The following DMRT1 variants were observed in gnomAD, a reference collection of about 807,000 sequenced individuals.
The protein encoded by DMRT1 is doublesex and mab-3 related transcription factor 1.
Under a neutral mutation model 32.3 loss-of-function variants are expected in DMRT1, and 7 were observed. The observed-to-expected ratio is 0.22, with a 90% confidence interval of 0.12 to 0.41. The LOEUF (loss-of-function observed/expected upper bound fraction) is 0.41, where lower values mean the gene tolerates loss of function less well. Ranked by LOEUF, DMRT1 falls within the 10% of genes least tolerant of loss-of-function variation. The probability of loss-of-function intolerance (pLI) is 1.00; values close to 1 mark genes in which losing one functional copy is unlikely to be tolerated. For synonymous variants in DMRT1, 278 were observed against 206.1 expected (o/e 1.35, Z -2.99); for missense variants, 625 against 500.5 (o/e 1.25, Z -2.37).
intron 4 of DMRT1, among the ~76,000 whole-genome samples, chr9:926,022 T>A (rs188734872): frequency 6.6e-6 from 1 of 152,324 alleles, no homozygotes; most frequent in East Asian, 1.9e-4. Flanking sequence ...GGATGCAGTT[T>A]GTTTGGCTGT....
intron 4 of DMRT1, among the ~76,000 whole-genome samples, chr9:945,529 ATTTTT>A (rs1203341976): frequency 2.0e-5 from 3 of 152,214 alleles, no homozygotes; most frequent in Non-Finnish European, 4.4e-5. Flanking sequence ...CTACACTGCT[ATTTTT>A]TGTATTTTTA....
chr9:916,902 C>G lies in DMRT1; in HGVS notation c.962C>G (p.Ala321Gly). The G allele has an allele frequency of 6.2e-7, 1 of 1,614,122 alleles. No homozygotes were observed. The highest frequency in any genetic ancestry group is 8.5e-7 in the Non-Finnish European group (1 of 1,180,024). Residue 321 changes from alanine to glycine, a missense_variant, in exon 4 of 5, where the codon GCG (alanine) becomes GGG (glycine). By Grantham distance (60) the Ala-to-Gly change is moderately conservative. Coordinates refer to ENST00000382276, the MANE Select transcript of DMRT1 (RefSeq NM_021951.3). ...EDAPSYPEAR[A>G]SVFSPPSSQD... ...GCTCCCTCTTACCCGGAAGCCAGGG[C>G]GAGCGGTAGGTGTCTGGTCACACAG...
intron 3 of DMRT1, among the ~76,000 whole-genome samples, chr9:911,502 T>G (rs1445652169): frequency 9.2e-6 from 1 of 108,300 alleles, no homozygotes; most frequent in East Asian, 2.2e-4. Context: ...TTTTTTTTTT[T>G]TTTTTTTTTA....
rs534110778 is a variant in DMRT1, at chr9:900,571, C to T, written c.822+6376C>T. Among the ~76,000 whole-genome samples, 136 of 151,930 alleles carry T rather than the reference C, an allele frequency of 9.0e-4. 2 individuals are homozygous for T. The South Asian group carries it at 0.027, about 30-fold the overall frequency. ...AGCCATGGGAAGACAAGGCGGAAAC[C>T]TGGCTCTCAGGAGACAGTTATGATG... On this transcript the variant is annotated intron_variant, in intron 3 of 4. Coordinates refer to ENST00000382276, the MANE Select transcript of DMRT1 (RefSeq NM_021951.3).
In DMRT1 at chr9:855,037, G is replaced by A. The variant is rs188069766; in HGVS notation, c.538+7894G>A. Among the ~76,000 whole-genome samples the A allele has an allele frequency of 4.7e-3, 707 of 151,774 alleles. 14 individuals are homozygous for A. The highest frequency in any genetic ancestry group is 0.025 in the Admixed American group (378 of 15,178). On this transcript the variant is annotated intron_variant, in intron 2 of 4. Coordinates refer to ENST00000382276, the MANE Select transcript of DMRT1 (RefSeq NM_021951.3). ...CCGCCTCAGCCTCCCAAAGTGCTGCGATTACAGGGGTGAGCCACCATGCCC... is the reference window on the plus strand; with the variant it reads ...CCGCCTCAGCCTCCCAAAGTGCTGCAATTACAGGGGTGAGCCACCATGCCC...
intron 2 of DMRT1, among the ~76,000 whole-genome samples, chr9:870,912 C>A (rs1164538678): frequency 1.3e-5 from 2 of 151,826 alleles, no homozygotes; most frequent in Non-Finnish European, 2.9e-5. Flanking sequence ...CAGGGTTTCT[C>A]CATGTTGCCC....
intron 4 of DMRT1, among the ~76,000 whole-genome samples, chr9:949,227 A>C (rs1283924944): frequency 6.6e-6 from 1 of 152,112 alleles, no homozygotes; most frequent in African/African-American, 2.4e-5. Context: ...ATTAGCTGGC[A>C]TGGTGACGTA....
rs1056571976 is a variant in DMRT1 at position 965,960 on chromosome 9, A to C, written c.968-2025A>C. Among the ~76,000 whole-genome samples, 5 of 152,130 alleles carry C rather than the reference A, an allele frequency of 3.3e-5. No individual in the cohort carries two copies. The highest frequency in any genetic ancestry group is 9.7e-5 in the African/African-American group (4 of 41,404). On this transcript the variant is annotated intron_variant, in intron 4 of 4. Transcript: ENST00000382276. This position sits in a 1 kb window ranked among gnomAD's most constrained non-coding sequence, Gnocchi z 4.5. ...GTGTGGCATACAGGTAGTAGTCAGT[A>C]ATGTTTACTGTTCTTCTCCATAGCT...
chr9:927,680 C>G (rs1818573476), intron 4 of DMRT1, among the ~76,000 whole-genome samples: 1 of 152,220 alleles, frequency 6.6e-6, no homozygotes, highest in Non-Finnish European at 1.5e-5. Flanking sequence ...ATGCTGAGGT[C>G]AGGTTCCAAA....
intron 2 of DMRT1, among the ~76,000 whole-genome samples, chr9:860,181 T>C (rs978859951): frequency 3.3e-5 from 5 of 151,906 alleles, no homozygotes; most frequent in Non-Finnish European, 7.4e-5. Context: ...CCTGTAGTCC[T>C]AGCTACTTGG....
At chr9:860,216 G>C (rs1336606018) in intron 2 of DMRT1, among the ~76,000 whole-genome samples, 2 of 152,188 alleles carry the variant, frequency 1.3e-5, no homozygotes, top group Non-Finnish European at 2.9e-5. Flanking sequence ...AGAATGGCTT[G>C]AACCCTGGAG....
At chr9:883,332 G>A (rs10977271) in intron 2 of DMRT1, among the ~76,000 whole-genome samples, 113,405 of 151,864 alleles carry the variant, frequency 0.75, 42,598 homozygotes, top group African/African-American at 0.82. Context: ...ACCACATTCC[G>A]TGTCTTGTGC....
At chr9:890,672 A>G (rs575829425) in intron 2 of DMRT1, among the ~76,000 whole-genome samples, 1 of 152,166 alleles carries the variant, frequency 6.6e-6, no homozygotes, top group African/African-American at 2.4e-5. Flanking sequence ...TCATGAGCCA[A>G]TTCTGTCTGC....
intron 2 of DMRT1, among the ~76,000 whole-genome samples, chr9:853,367 T>C (rs570469502): frequency 1.3e-4 from 20 of 152,336 alleles, no homozygotes; most frequent in African/African-American, 4.6e-4. Context: ...GCATTGCCAC[T>C]GTCCTAAAAA....
chr9:861,050 C>CTTTTTTTTTTTTTT (rs140608243), intron 2 of DMRT1, among the ~76,000 whole-genome samples: 9 of 121,390 alleles, frequency 7.4e-5, no homozygotes, highest in Non-Finnish European at 1.6e-4. Context: ...AATTTACTTT[C>CTTTTTTTTTTTTTT]TTTTTTTTTT....
intron 2 of DMRT1, among the ~76,000 whole-genome samples, chr9:853,921 G>T (rs1446691489): frequency 6.6e-6 from 1 of 151,608 alleles, no homozygotes; most frequent in Admixed American, 6.6e-5. Flanking sequence ...TCAGCCTCCC[G>T]AGCAGTTAGG....
intron 2 of DMRT1, among the ~76,000 whole-genome samples, chr9:882,231 C>G (rs1203673712): frequency 6.6e-6 from 1 of 152,092 alleles, no homozygotes; most frequent in Non-Finnish European, 1.5e-5. Flanking sequence ...CTTTTCAGGC[C>G]CAATTAAGTT....
chr9:904,583 G>A (rs889503488), intron 3 of DMRT1, among the ~76,000 whole-genome samples: 1 of 152,174 alleles, frequency 6.6e-6, no homozygotes, highest in Non-Finnish European at 1.5e-5. Flanking sequence ...TGGCTGCTCC[G>A]TGCCTGGCAC....
chr9:930,854 A>G (rs888462656), intron 4 of DMRT1, among the ~76,000 whole-genome samples: 3 of 152,138 alleles, frequency 2.0e-5, no homozygotes, highest in Admixed American at 2.0e-4. Context: ...TTGTCTTTTT[A>G]TAACTGCTTC....
Sources: gnomAD v4.1 joint callset for allele counts (sites outside exome capture counted in the v4.1 genomes callset) on GRCh38, gnomAD v4.1.1 for gene constraint, Gnocchi (gnomAD v3.1) non-coding constraint, MANE v1.5 for transcripts, NCBI Gene and HGNC (gene_info 2026-07-23, HGNC 2026-07-21) for gene names.